Variants in STYK1 observed in about 807,000 individuals in gnomAD.
The protein encoded by STYK1 is STY kinase 1.
Under a neutral mutation model 48.1 loss-of-function variants are expected in STYK1, and 46 were observed. The ratio of observed to expected loss-of-function variants is 0.96; its 90% CI spans 0.75 to 1.22. The LOEUF is 1.22. Among genes scored for constraint, STYK1 ranks in the 50% most tolerant of loss-of-function variants. The pLI is 0.00. For synonymous variants in STYK1, 188 were observed against 189.0 expected (o/e 0.99, Z 0.04); for missense variants, 527 against 521.1 (o/e 1.01, Z -0.11).
chr12:10,638,194 T>A (rs1947506718), intron 1 of STYK1, among the ~76,000 whole-genome samples: 2 of 152,264 alleles, frequency 1.3e-5, no homozygotes, highest in African/African-American at 4.8e-5. Context: ...TATGTTTGTA[T>A]ATACTTTGCC....
At chr12:10,660,947 A>G (rs10845192) in intron 1 of STYK1, among the ~76,000 whole-genome samples, 86,216 of 151,714 alleles carry the variant, frequency 0.57, 24,889 homozygotes, top group East Asian at 0.79. Flanking sequence ...CAGTCAAGTA[A>G]CCCACACCGC....
At chr12:10,665,198 A>C (rs1186406692) in intron 1 of STYK1, among the ~76,000 whole-genome samples, 1 of 152,232 alleles carries the variant, frequency 6.6e-6, no homozygotes, top group Non-Finnish European at 1.5e-5. Flanking sequence ...GCTGTAAATG[A>C]GGTAACCATC....
At chr12:10,633,684 G>A (rs1947453675) in intron 4 of STYK1, among the ~76,000 whole-genome samples, 1 of 152,024 alleles carries the variant, frequency 6.6e-6, no homozygotes, top group African/African-American at 2.4e-5. Context: ...ACCCCCTTAG[G>A]TCTTTCTCCT....
chr12:10,639,896 G>C (rs1156379705), intron 1 of STYK1, among the ~76,000 whole-genome samples: 1 of 152,184 alleles, frequency 6.6e-6, no homozygotes, highest in African/African-American at 2.4e-5. Context: ...AAACCACAAG[G>C]CTGAAACCAA....
rs369987404 is a variant in STYK1, at chr12:10,621,939, C to T, written c.1001G>A (p.Ser334Asn). The change falls in exon 10 of 11, where the codon AGC becomes AAC. Residue 334 changes from serine to asparagine, a missense_variant. Transcript: ENST00000075503. ...APPYPEVPPT[S>N]ILEHLQRRKI... ...CCTTCTTTGGAGATGCTCTAGGATGCTGGTAGGAGGGACTTCAGGATACGG... is the reference window on the plus strand; with the variant it reads ...CCTTCTTTGGAGATGCTCTAGGATGTTGGTAGGAGGGACTTCAGGATACGG... 5 of 1,613,738 alleles carry T rather than the reference C, an allele frequency of 3.1e-6. No individual in the cohort carries two copies. The African/African-American group carries it at 6.7e-5, about 22-fold the overall frequency.
At chr12:10,653,057 A>C (rs1246781937) in intron 1 of STYK1, among the ~76,000 whole-genome samples, 1 of 152,108 alleles carries the variant, frequency 6.6e-6, no homozygotes, top group African/African-American at 2.4e-5. Flanking sequence ...TTGGCAAGTC[A>C]ATTAACATAT....
intron 4 of STYK1, among the ~76,000 whole-genome samples, chr12:10,632,852 A>G (rs941346897): frequency 1.3e-5 from 2 of 152,120 alleles, no homozygotes; most frequent in Admixed American, 6.6e-5. Context: ...TTTGAGACTG[A>G]TATCTTCAAG....
intron 1 of STYK1, among the ~76,000 whole-genome samples, chr12:10,645,179 C>G (rs1333364775): frequency 1.3e-5 from 2 of 152,034 alleles, no homozygotes; most frequent in African/African-American, 4.8e-5. Flanking sequence ...GTCAGGAAAA[C>G]AATAAGTAGC....
At chr12:10,663,346 C>T (rs980215841) in intron 1 of STYK1, among the ~76,000 whole-genome samples, 2 of 152,102 alleles carry the variant, frequency 1.3e-5, no homozygotes, top group Non-Finnish European at 1.5e-5. Flanking sequence ...GGCGCGGTGG[C>T]TCACGCCTGT....
chr12:10,671,779 G>A (rs1050173786), intron 1 of STYK1, among the ~76,000 whole-genome samples: 1 of 152,234 alleles, frequency 6.6e-6, no homozygotes. Context: ...GATCTTCGGA[G>A]CACATGTTGG....
chr12:10,620,317 G>A lies in STYK1; in HGVS notation c.1096C>T (p.Arg366Cys), dbSNP rs537296580. The change falls in exon 11 of 11, where the codon CGT becomes TGT. Residue 366 changes from arginine (R) to cysteine (C), a missense_variant. By Grantham distance (180) the Arg-to-Cys change is radical (BLOSUM62 -3). Coordinates refer to ENST00000075503, the MANE Select transcript of STYK1 (RefSeq NM_018423.3). ...CTAGGTGAGGGGCGGTCAGCCTCAC[G>A]CCAGCGCCAGCAGGACTTCATGATA... ...YSIMKSCWRW[R>C]EADRPSPREL... 7 of 1,613,410 alleles carry A rather than the reference G, an allele frequency of 4.3e-6. No individual in the cohort carries two copies. The East Asian group carries it at 6.7e-5, about 15-fold the overall frequency.
At chr12:10,632,414 A>G (rs1241857054) in intron 4 of STYK1, among the ~76,000 whole-genome samples, 6 of 152,206 alleles carry the variant, frequency 3.9e-5, no homozygotes, top group Non-Finnish European at 8.8e-5. Flanking sequence ...GCATAGCTGC[A>G]ATAGTTGAGA....
intron 6 of STYK1, 26 bp downstream of exon 6, chr12:10,629,467 C>T (rs771008816): frequency 1.9e-6 from 3 of 1,612,260 alleles, no homozygotes; most frequent in Admixed American, 1.7e-5. Flanking sequence ...GCCTTAACCT[C>T]CTAATACCTC....
chr12:10,647,268 A>G (rs1413594290), intron 1 of STYK1, among the ~76,000 whole-genome samples: 1 of 152,248 alleles, frequency 6.6e-6, no homozygotes, highest in Non-Finnish European at 1.5e-5. Flanking sequence ...AAGCCTCAGC[A>G]GCAGAGCTGC....
chr12:10,658,807 A>G (rs1329860982), intron 1 of STYK1, among the ~76,000 whole-genome samples: 2 of 152,174 alleles, frequency 1.3e-5, no homozygotes, highest in African/African-American at 4.8e-5. Context: ...AAACTCCTAT[A>G]ATTCTAATAT....
At chr12:10,662,894 G>A (rs1265955219) in intron 1 of STYK1, among the ~76,000 whole-genome samples, 1 of 152,102 alleles carries the variant, frequency 6.6e-6, no homozygotes, top group Admixed American at 6.5e-5. Context: ...CTTTTGACGT[G>A]TGTCTAAGAA....
intron 1 of STYK1, among the ~76,000 whole-genome samples, chr12:10,659,834 T>C (rs887594714): frequency 6.6e-6 from 1 of 152,218 alleles, no homozygotes; most frequent in African/African-American, 2.4e-5. Flanking sequence ...AGTTCTATTA[T>C]GATTTGTCTT....
intron 1 of STYK1, chr12:10,673,545 G>A (rs972637280): frequency 6.6e-6 from 1 of 152,204 alleles, no homozygotes; most frequent in Non-Finnish European, 1.5e-5. Context: ...TGAGGAAGCC[G>A]AAGCTGAAAG....
At chr12:10,622,614 C>T (rs370255624) in intron 9 of STYK1, 24 bp downstream of exon 9, 2 of 1,613,804 alleles carry the variant, frequency 1.2e-6, no homozygotes, top group South Asian at 1.1e-5. Context: ...TACAGGTACA[C>T]ACTATTTTGG....
Sources: allele counts gnomAD v4.1 joint callset (sites outside exome capture counted in the v4.1 genomes callset), GRCh38; gene constraint gnomAD v4.1.1; transcripts MANE v1.5; gene names NCBI Gene and HGNC (gene_info 2026-07-23, HGNC 2026-07-21).